The following GALNT17 variants were observed in gnomAD, a reference collection of about 807,000 sequenced individuals.
GALNT17 encodes the protein UDP-GalNAc:polypeptide N-acetylgalactosaminyltransferase-like 3.
In GALNT17, 29 loss-of-function variants were observed where a neutral mutation model predicts 63.7. The observed-to-expected ratio is 0.46, with a 90% CI of 0.34 to 0.62. The LOEUF (loss-of-function observed/expected upper bound fraction) is 0.62, where lower values mean the gene tolerates loss of function less well. GALNT17 is among the 20% of genes least tolerant of loss of function. The probability of loss-of-function intolerance (pLI) is 0.01; values close to 1 mark genes in which losing one functional copy is unlikely to be tolerated. For missense variants in GALNT17, 603 were observed against 799.6 expected, an observed-to-expected ratio of 0.75 and a Z score of 2.97; for synonymous variants, 305 against 318.3, an observed-to-expected ratio of 0.96 and a Z score of 0.45.
intron 6 of GALNT17, among the ~76,000 whole-genome samples, 157 bp from the exon 7 acceptor site, chr7:71,665,254 G>A (rs981353892): frequency 2.6e-5 from 4 of 152,108 alleles, no homozygotes; most frequent in African/African-American, 9.7e-5. Flanking sequence ...TGGGATTATA[G>A]GCATGAACCA....
intron 6 of GALNT17, among the ~76,000 whole-genome samples, chr7:71,633,594 C>G (rs1201428937): frequency 6.6e-6 from 1 of 152,202 alleles, no homozygotes; most frequent in African/African-American, 2.4e-5. Context: ...TCTGTTCTCT[C>G]TGCTAATCTT....
At chr7:71,586,565 G>A (rs1238057858) in intron 6 of GALNT17, among the ~76,000 whole-genome samples, 1 of 152,014 alleles carries the variant, frequency 6.6e-6, no homozygotes, top group South Asian at 2.1e-4. Flanking sequence ...GAAGATGTGT[G>A]TTCAACTTTT....
chr7:71,684,589 A>G (rs1401334578), intron 9 of GALNT17, among the ~76,000 whole-genome samples: 2 of 152,164 alleles, frequency 1.3e-5, no homozygotes, highest in Non-Finnish European at 1.5e-5. Context: ...AATAAGACCC[A>G]TATCTGTTTT....
intron 2 of GALNT17, among the ~76,000 whole-genome samples, chr7:71,351,930 G>A (rs1298920009): frequency 6.6e-6 from 1 of 152,166 alleles, no homozygotes; most frequent in African/African-American, 2.4e-5. Flanking sequence ...GCAGAGTGCA[G>A]AAGAGATGTA....
At chr7:71,244,969 C>CA (rs957139430) in intron 1 of GALNT17, among the ~76,000 whole-genome samples, 3 of 151,278 alleles carry the variant, frequency 2.0e-5, no homozygotes, top group South Asian at 2.1e-4. Flanking sequence ...AAAAATCAAC[C>CA]AAAAAAAACC....
intron 2 of GALNT17, among the ~76,000 whole-genome samples, chr7:71,346,934 ATT>A (rs77697804): frequency 9.4e-5 from 14 of 149,022 alleles, no homozygotes; most frequent in Non-Finnish European, 1.3e-4. Flanking sequence ...GGCATACAGT[ATT>A]TTTTTTTTTA....
intron 1 of GALNT17, among the ~76,000 whole-genome samples, chr7:71,245,794 A>G (rs1170836633): frequency 6.6e-6 from 1 of 151,348 alleles, no homozygotes; most frequent in Non-Finnish European, 1.5e-5. Flanking sequence ...AGGAGAAATC[A>G]ATAGGGGAAG....
intron 6 of GALNT17, among the ~76,000 whole-genome samples, chr7:71,662,692 C>A (rs548182159): frequency 6.6e-6 from 1 of 152,288 alleles, no homozygotes; most frequent in Admixed American, 6.5e-5. Flanking sequence ...CATGTTGTAG[C>A]ATGTATCAAC....
At chr7:71,658,415 A>C (rs1790860729) in intron 6 of GALNT17, among the ~76,000 whole-genome samples, 1 of 152,152 alleles carries the variant, frequency 6.6e-6, no homozygotes. Flanking sequence ...CCCAGACCCC[A>C]GAGTCTTGTG....
chr7:71,556,443 G>A (rs1789163671), intron 5 of GALNT17, among the ~76,000 whole-genome samples: 1 of 152,180 alleles, frequency 6.6e-6, no homozygotes, highest in South Asian at 2.1e-4. Flanking sequence ...CAACGGTTCT[G>A]TCTACAGTGG....
intron 9 of GALNT17, among the ~76,000 whole-genome samples, chr7:71,683,726 G>A (rs1584136037): frequency 6.6e-6 from 1 of 152,084 alleles, no homozygotes; most frequent in Non-Finnish European, 1.5e-5. Flanking sequence ...AGAATGTCAA[G>A]GCTGGGCGCA....
rs192383227 is a variant in GALNT17, at chr7:71,169,872, T to A, written c.238+36832T>A. ...CCCCCAGCCTTGGTGTACTTTTAGA[T>A]TGGATTGTTGCCCTACACTTTTTGT... On this transcript the variant is annotated intron_variant, in intron 1 of 10. Coordinates refer to ENST00000333538, the MANE Select transcript of GALNT17 (RefSeq NM_022479.3). Among the ~76,000 whole-genome samples the A allele has an allele frequency of 1.4e-3, 211 of 152,162 alleles. 1 individual carries two copies. Among genetic ancestry groups the A allele is most frequent in the African/African-American group, 5.0e-3 (207 of 41,526 alleles).
intron 1 of GALNT17, among the ~76,000 whole-genome samples, chr7:71,286,496 G>C (rs1790875363): frequency 6.6e-6 from 1 of 152,134 alleles, no homozygotes; most frequent in Admixed American, 6.5e-5. Context: ...GCCAGACAGG[G>C]CCAGTATTAT....
At chr7:71,524,270 T>G (rs1008172407) in intron 5 of GALNT17, among the ~76,000 whole-genome samples, 11 of 146,328 alleles carry the variant, frequency 7.5e-5, no homozygotes, top group Non-Finnish European at 1.6e-4. Context: ...TTATATATAA[T>G]TATATATTAT....
At chr7:71,215,952 C>G (rs1789469083) in intron 1 of GALNT17, among the ~76,000 whole-genome samples, 4 of 151,952 alleles carry the variant, frequency 2.6e-5, no homozygotes, top group South Asian at 2.1e-4. Flanking sequence ...CTCCCTTGGC[C>G]ATTAGAGAGC....
At chr7:71,299,040 C>T (rs73356061) in intron 1 of GALNT17, among the ~76,000 whole-genome samples, 8,794 of 151,974 alleles carry the variant, frequency 0.058, 825 homozygotes, top group African/African-American at 0.2. Flanking sequence ...TGTGAGAGGT[C>T]GGAACATTTT....
intron 1 of GALNT17, among the ~76,000 whole-genome samples, chr7:71,202,684 A>T (rs1164097044): frequency 6.6e-6 from 1 of 152,188 alleles, no homozygotes; most frequent in African/African-American, 2.4e-5. Flanking sequence ...CAAATATGTG[A>T]TACTTTATTA....
At chr7:71,496,917 TAA>T (rs61150727) in intron 5 of GALNT17, among the ~76,000 whole-genome samples, 5 of 145,376 alleles carry the variant, frequency 3.4e-5, no homozygotes, top group Non-Finnish European at 3.0e-5. Context: ...ATACAAAAAT[TAA>T]AAAAAAAAAA....
intron 1 of GALNT17, among the ~76,000 whole-genome samples, chr7:71,158,824 C>T (rs1198550797): frequency 6.6e-6 from 1 of 151,816 alleles, no homozygotes; most frequent in Non-Finnish European, 1.5e-5. Context: ...GTCCACCCAC[C>T]TCGGCCTCCC....
Sources: allele counts gnomAD v4.1 joint callset (sites outside exome capture counted in the v4.1 genomes callset), GRCh38; gene constraint gnomAD v4.1.1; transcripts MANE v1.5; gene names NCBI Gene and HGNC (gene_info 2026-07-23, HGNC 2026-07-21).